Variants in ROCK1 observed in about 807,000 individuals in gnomAD.
The protein encoded by ROCK1 is rho-associated protein kinase 1.
A neutral mutation model predicts 196.8 loss-of-function variants in ROCK1; 36 were observed. The observed-to-expected ratio is 0.18, with a 90% confidence interval of 0.14 to 0.24. The LOEUF is 0.24. Ranked by LOEUF, ROCK1 falls within the 10% of genes least tolerant of loss-of-function variation. The probability of loss-of-function intolerance (pLI) is 1.00; values close to 1 mark genes in which losing one functional copy is unlikely to be tolerated. For synonymous variants in ROCK1, 443 were observed against 515.9 expected, an observed-to-expected ratio of 0.86 and a Z score of 1.91; for missense variants, 920 against 1,562.0, an observed-to-expected ratio of 0.59 and a Z score of 6.93.
In ROCK1 at chr18:20,970,442, A is replaced by G. The variant is rs1568370720; in HGVS notation, c.2726T>C (p.Leu909Pro). ...AESEQLARGL[L>P]EEQYFELTQE... ...CGTCAATTCAAAATACTGTTCTTCC[A>G]GAAGGCCTCGCGCCAACTGCTCAGA... Residue 909 changes from leucine (L) to proline (P), a missense_variant, in exon 23 of 33, where the codon CTG (leucine) becomes CCG (proline). Physicochemically the swap from Leu to Pro is moderately conservative, Grantham distance 98. Coordinates refer to ENST00000399799, the MANE Select transcript of ROCK1 (RefSeq NM_005406.3). The G allele has an allele frequency of 2.5e-6, 4 of 1,614,002 alleles. No individual in the cohort carries two copies. Among genetic ancestry groups the G allele is most frequent in the Non-Finnish European group, 3.4e-6 (4 of 1,179,878 alleles).
intron 1 of ROCK1, among the ~76,000 whole-genome samples, chr18:21,099,907 A>G (rs894716753): frequency 8.6e-5 from 13 of 151,868 alleles, no homozygotes; most frequent in African/African-American, 2.9e-4. Flanking sequence ...ATGGTGGCAC[A>G]TGCCTGTAGT....
intron 9 of ROCK1, among the ~76,000 whole-genome samples, chr18:21,037,212 CATACTTTGTGA>C (rs973956768): frequency 2.8e-4 from 43 of 152,242 alleles, no homozygotes; most frequent in African/African-American, 9.4e-4. Context: ...TTAAAATCTT[CATACTTTGTGA>C]ACAAGATCAG....
At chr18:21,033,098 G>A (rs1487927190) in intron 9 of ROCK1, among the ~76,000 whole-genome samples, 1 of 152,092 alleles carries the variant, frequency 6.6e-6, no homozygotes, top group Non-Finnish European at 1.5e-5. Context: ...TCAGGAGGCT[G>A]AGGCAGGAGG....
At chr18:20,994,585 CATTTTAAAAA>C (rs2143413976) in intron 16 of ROCK1, among the ~76,000 whole-genome samples, 1 of 152,206 alleles carries the variant, frequency 6.6e-6, no homozygotes, top group East Asian at 1.9e-4. Context: ...TTTTAAAAAT[CATTTTAAAAA>C]ATCTGTACAA....
intron 1 of ROCK1, among the ~76,000 whole-genome samples, chr18:21,090,722 G>T (rs2036562370): frequency 6.6e-6 from 1 of 152,128 alleles, no homozygotes; most frequent in South Asian, 2.1e-4. Context: ...ATATTTTCCA[G>T]AAATTCGACA....
intron 2 of ROCK1, among the ~76,000 whole-genome samples, chr18:21,056,368 C>T (rs1336974518): frequency 6.6e-6 from 1 of 152,214 alleles, no homozygotes; most frequent in Non-Finnish European, 1.5e-5. Flanking sequence ...GTGTCCCACA[C>T]TTTGGCCGAT....
At chr18:21,015,566 T>C in intron 12 of ROCK1, 87 bp from the exon 13 acceptor site, 1 of 842,466 alleles carries the variant, frequency 1.2e-6, no homozygotes, top group Non-Finnish European at 1.9e-6. Context: ...CTTTTCCACT[T>C]AACTAGAGTT....
At chr18:20,973,338 C>T (rs1268103012) in intron 22 of ROCK1, among the ~76,000 whole-genome samples, 2 of 150,844 alleles carry the variant, frequency 1.3e-5, no homozygotes, top group Non-Finnish European at 3.0e-5. Flanking sequence ...AGTGCAATGG[C>T]GCAATCTCGG....
intron 14 of ROCK1, among the ~76,000 whole-genome samples, chr18:21,007,460 C>T (rs2035778000): frequency 6.6e-6 from 1 of 152,026 alleles, no homozygotes; most frequent in Non-Finnish European, 1.5e-5. Flanking sequence ...ATATGTATTA[C>T]ATTATGTTTC....
rs1273902200 is a variant in ROCK1 at position 20,948,767 on chromosome 18, G to A, written c.*2617C>T. On this transcript the variant is annotated 3_prime_UTR_variant, in exon 33 of 33. Transcript: ENST00000399799. ...CTGGATGTGATTTAATTTTGGCCAC[G>A]TAGATGCACCTAGAGAAGGCAGACG... The A allele has an allele frequency of 1.3e-5, 2 of 152,136 alleles. No individual in the cohort carries two copies. Among genetic ancestry groups the A allele is most frequent in the Admixed American group, 6.5e-5 (1 of 15,268 alleles). 9.4% of individuals were successfully genotyped at this position (152,136 alleles called of 1,614,324 possible). A position where few individuals can be genotyped will look rare whatever the true frequency, so the allele number is the denominator to read the frequency against.
intron 1 of ROCK1, among the ~76,000 whole-genome samples, chr18:21,089,796 G>A (rs1228078986): frequency 1.3e-5 from 2 of 152,062 alleles, no homozygotes; most frequent in South Asian, 2.1e-4. Context: ...AAAACAGAAC[G>A]GTTGTATGGG....
At chr18:21,062,019 T>C (rs1294667545) in intron 2 of ROCK1, among the ~76,000 whole-genome samples, 1 of 152,174 alleles carries the variant, frequency 6.6e-6, no homozygotes, top group African/African-American at 2.4e-5. Context: ...TGTACAGGTA[T>C]AGAATTATAG....
chr18:20,989,248 C>T (rs551190245), intron 18 of ROCK1, among the ~76,000 whole-genome samples: 19 of 152,312 alleles, frequency 1.2e-4, no homozygotes, highest in Middle Eastern at 3.4e-3. Flanking sequence ...TGCACAGGCA[C>T]TTTACATGCA....
At chr18:20,987,612 G>A (rs2035588568) in intron 18 of ROCK1, among the ~76,000 whole-genome samples, 1 of 152,092 alleles carries the variant, frequency 6.6e-6, no homozygotes, top group Admixed American at 6.6e-5. Context: ...GAATATATTA[G>A]TCTACACTGA....
At chr18:21,013,890 T>C (rs1490912840) in intron 13 of ROCK1, among the ~76,000 whole-genome samples, 2 of 151,582 alleles carry the variant, frequency 1.3e-5, no homozygotes, top group Admixed American at 6.6e-5. Context: ...TGAAACCCCA[T>C]CTCTACTAAA....
At chr18:21,021,222 A>C (rs556889926) in intron 11 of ROCK1, among the ~76,000 whole-genome samples, 150 of 152,310 alleles carry the variant, frequency 9.8e-4, no homozygotes, top group African/African-American at 3.5e-3. Flanking sequence ...ACAGGAAAAC[A>C]GTGAGTTTAG....
intron 9 of ROCK1, among the ~76,000 whole-genome samples, chr18:21,034,715 T>G (rs544856303): frequency 5.6e-4 from 86 of 152,216 alleles, no homozygotes; most frequent in African/African-American, 2.0e-3. Context: ...GGTAAGACAT[T>G]TCATGACATT....
At chr18:21,032,839 T>C (rs1157208075) in intron 9 of ROCK1, among the ~76,000 whole-genome samples, 1 of 151,828 alleles carries the variant, frequency 6.6e-6, no homozygotes, top group African/African-American at 2.4e-5. Context: ...ACAAATTAGA[T>C]AACTTAGATG....
Position 21,018,455 on chromosome 18 carries a change from G to A in ROCK1, c.1361+1696C>T, listed in dbSNP as rs371350702. On this transcript the variant is annotated intron_variant, in intron 12 of 32. Coordinates refer to ENST00000399799, the MANE Select transcript of ROCK1 (RefSeq NM_005406.3). The stretch of plus-strand genomic sequence containing the variant: ...TGAGGCAAGAGAATCACTTGAACCC[G>A]GGAGGCAGAGGTTGCAGTGAGCCGC... Among the ~76,000 whole-genome samples, 14 of 151,814 alleles carry A rather than the reference G, an allele frequency of 9.2e-5. No individual in the cohort carries two copies. The Middle Eastern group carries it at 0.014, about 148-fold the overall frequency.
Sources: gnomAD v4.1 joint callset for allele counts (sites outside exome capture counted in the v4.1 genomes callset) on GRCh38, gnomAD v4.1.1 for gene constraint, MANE v1.5 for transcripts, NCBI Gene and HGNC (gene_info 2026-07-23, HGNC 2026-07-21) for gene names.